ZNF407: variants seen among roughly 807,000 people sequenced by gnomAD.
The protein encoded by ZNF407 is zinc finger protein 407.
ZNF407 carries 17 observed loss-of-function variants against 131.2 expected under a neutral mutation model. The ratio of observed to expected loss-of-function variants is 0.13; its 90% CI spans 0.09 to 0.19. ZNF407 has a LOEUF of 0.19. ZNF407 is among the 10% of genes least tolerant of loss of function. ZNF407 has a pLI of 1.00. For missense variants in ZNF407, 2,681 were observed against 2,830.6 expected (o/e 0.95, Z 1.20); for synonymous variants, 1,156 against 1,062.0 (o/e 1.09, Z -1.72).
intron 4 of ZNF407, among the ~76,000 whole-genome samples, chr18:74,791,110 C>T (rs572636560): frequency 6.6e-6 from 1 of 152,240 alleles, no homozygotes; most frequent in South Asian, 2.1e-4. Flanking sequence ...GATTGATAAT[C>T]CCGTTTGAGA....
chr18:75,010,446 G>A (rs752111265), intron 8 of ZNF407, among the ~76,000 whole-genome samples: 15 of 152,164 alleles, frequency 9.9e-5, no homozygotes, highest in Non-Finnish European at 1.9e-4. Context: ...CAACAGTCAT[G>A]TGTCACCAAA....
chr18:75,038,787 C>T (rs550023203), intron 8 of ZNF407, among the ~76,000 whole-genome samples: 6 of 152,196 alleles, frequency 3.9e-5, no homozygotes, highest in Non-Finnish European at 8.8e-5. Flanking sequence ...ATCACCTAAT[C>T]TTCCAAGCAT....
chr18:74,767,219 C>T (rs1162975415), intron 3 of ZNF407, among the ~76,000 whole-genome samples: 1 of 152,048 alleles, frequency 6.6e-6, no homozygotes, highest in Non-Finnish European at 1.5e-5. Context: ...GTCCTGACTT[C>T]GTTATTATTA....
At chr18:74,825,748 T>C (rs757249816) in intron 4 of ZNF407, among the ~76,000 whole-genome samples, 8 of 152,208 alleles carry the variant, frequency 5.3e-5, no homozygotes, top group Non-Finnish European at 1.0e-4. Context: ...TTGATTCTTA[T>C]GTGATCATGC....
intron 6 of ZNF407, among the ~76,000 whole-genome samples, chr18:74,885,484 G>A (rs1250210910): frequency 6.6e-6 from 1 of 152,080 alleles, no homozygotes; most frequent in Non-Finnish European, 1.5e-5. Context: ...CCGACAAGCT[G>A]ATATTAAAAT....
rs563770763 is a variant in ZNF407, at chr18:74,777,774, A to C, written c.4803-3654A>C. 2.7e-4 allele frequency among the ~76,000 whole-genome samples: 41 copies of C among 152,132 alleles called. No homozygotes were observed. In the East Asian group the frequency reaches 7.0e-3, roughly 26 times the overall value. On this transcript the variant is annotated intron_variant, in intron 3 of 8. Transcript: ENST00000299687. ...CTCATTCACTCAAAACAGAGCAGAC[A>C]GGAGTGCTATTGAAATGGAAGCTGA...
chr18:74,709,957 G>C (rs1313727581), intron 3 of ZNF407, among the ~76,000 whole-genome samples: 1 of 152,064 alleles, frequency 6.6e-6, no homozygotes, highest in Non-Finnish European at 1.5e-5. Context: ...TCATTAATGT[G>C]AATTTATGAA....
chr18:74,678,166 C>T (rs1966896754), intron 3 of ZNF407, among the ~76,000 whole-genome samples: 1 of 152,134 alleles, frequency 6.6e-6, no homozygotes, highest in Non-Finnish European at 1.5e-5. Flanking sequence ...TTAGCAGAAT[C>T]ATTACAGTAA....
intron 3 of ZNF407, among the ~76,000 whole-genome samples, chr18:74,705,967 G>A (rs1177294640): frequency 6.6e-6 from 1 of 152,140 alleles, no homozygotes; most frequent in African/African-American, 2.4e-5. Flanking sequence ...ATCATTTTCT[G>A]TTTTCCTTTT....
chr18:74,826,945 A>T (rs1237535587), intron 4 of ZNF407, among the ~76,000 whole-genome samples: 1 of 152,260 alleles, frequency 6.6e-6, no homozygotes, highest in Non-Finnish European at 1.5e-5. Context: ...AGTTGTGAAC[A>T]TCATACAAGG....
chr18:74,643,884 G>A (rs1168998542), intron 3 of ZNF407, among the ~76,000 whole-genome samples: 1 of 151,950 alleles, frequency 6.6e-6, no homozygotes, highest in Non-Finnish European at 1.5e-5. Context: ...TTCAGGATCA[G>A]TTTTAAGATA....
At chr18:74,622,379 G>C (rs1261221614) in intron 1 of ZNF407, among the ~76,000 whole-genome samples, 2 of 152,202 alleles carry the variant, frequency 1.3e-5, no homozygotes, top group African/African-American at 4.8e-5. Flanking sequence ...CTTACCTTGC[G>C]CAGCCATTGC....
chr18:75,015,691 G>A (rs559069709), intron 8 of ZNF407, among the ~76,000 whole-genome samples: 3 of 151,304 alleles, frequency 2.0e-5, no homozygotes, highest in Non-Finnish European at 3.0e-5. Flanking sequence ...GCTTTTTACC[G>A]TGATATAACG....
intron 8 of ZNF407, among the ~76,000 whole-genome samples, chr18:74,928,866 G>C (rs1449299928): frequency 6.6e-6 from 1 of 152,120 alleles, no homozygotes; most frequent in Non-Finnish European, 1.5e-5. Flanking sequence ...TGGGGTGGGG[G>C]AGCTTAGAAT....
At chr18:74,837,219 T>G (rs1364320791) in intron 4 of ZNF407, among the ~76,000 whole-genome samples, 1 of 152,204 alleles carries the variant, frequency 6.6e-6, no homozygotes, top group Non-Finnish European at 1.5e-5. Context: ...TCAAATGGGT[T>G]TATTCTTTTC....
intron 8 of ZNF407, among the ~76,000 whole-genome samples, chr18:74,968,533 T>C (rs529526305): frequency 6.6e-6 from 1 of 152,310 alleles, no homozygotes; most frequent in Admixed American, 6.5e-5. Context: ...TATTTTTATT[T>C]CCTCTTCACA....
At chr18:74,623,265 T>TGC (rs1268314977) in intron 1 of ZNF407, among the ~76,000 whole-genome samples, 2 of 151,838 alleles carry the variant, frequency 1.3e-5, no homozygotes, top group Non-Finnish European at 2.9e-5. Flanking sequence ...AGTGTGTGTG[T>TGC]GCATGAGTGT....
At chr18:75,046,402 G>A (rs2122251730) in intron 8 of ZNF407, among the ~76,000 whole-genome samples, 1 of 152,262 alleles carries the variant, frequency 6.6e-6, no homozygotes, top group African/African-American at 2.4e-5. Flanking sequence ...CAGAGGCTTA[G>A]GCTTTCTGAG....
At chr18:74,818,865 T>TAAAAAAAAAAAAAAAA (rs11392274) in intron 4 of ZNF407, among the ~76,000 whole-genome samples, 8 of 139,394 alleles carry the variant, frequency 5.7e-5, no homozygotes, top group East Asian at 2.1e-4. Context: ...CATTGAACAG[T>TAAAAAAAAAAAAAAAA]AAAAAAAAAA....
Sources: gnomAD v4.1 joint callset for allele counts (sites outside exome capture counted in the v4.1 genomes callset) on GRCh38, gnomAD v4.1.1 for gene constraint, MANE v1.5 for transcripts, NCBI Gene and HGNC (gene_info 2026-07-23, HGNC 2026-07-21) for gene names.